Variants in RBPMS observed in about 807,000 individuals in gnomAD.
The protein encoded by RBPMS is RNA-binding protein with multiple splicing.
In RBPMS, 7 loss-of-function variants were observed where a neutral mutation model predicts 26.8. That is an observed-to-expected ratio of 0.26 (90% confidence interval 0.15 to 0.49). The LOEUF (loss-of-function observed/expected upper bound fraction) is 0.49. Among genes scored for constraint, RBPMS ranks in the 20% least tolerant of loss-of-function variants. The pLI is 0.98. For missense variants in RBPMS, 186 were observed against 250.0 expected (o/e 0.74, Z 1.73); for synonymous variants, 96 against 93.3 (o/e 1.03, Z -0.17).
At chr8:30,435,775 C>G (rs1347931810) in intron 1 of RBPMS, among the ~76,000 whole-genome samples, 2 of 152,122 alleles carry the variant, frequency 1.3e-5, no homozygotes, top group East Asian at 3.9e-4. Context: ...AAATCAGTGA[C>G]TGGAAGGAAA....
chr8:30,544,867 C>A, intron 6 of RBPMS: 1 of 1,509,306 alleles, frequency 6.6e-7, no homozygotes, highest in Non-Finnish European at 8.8e-7. Context: ...CCTTAATGAT[C>A]TCACCTCATA....
Position 30,384,738 on chromosome 8 carries a change from AT to A in RBPMS, c.-354del, listed in dbSNP as rs1563271615. ...CTCCTGGGACGCGCGTCCTCGCCCC[AT>A]CCTTTGCTTCCTTCCTTCCTTCCTT... On this transcript the variant is annotated 5_prime_UTR_variant, in exon 1 of 9. Coordinates refer to ENST00000397323, the MANE Select transcript of RBPMS (RefSeq NM_001008710.3). The surrounding 1 kb of genome is among the most constrained non-coding windows in gnomAD (Gnocchi z 5.6). 5.7e-6 allele frequency: 1 copy of A among 175,186 alleles called. No homozygotes were observed. Among genetic ancestry groups the A allele is most frequent in the East Asian group, 1.4e-4 (1 of 7,076 alleles). 10.9% of individuals were successfully genotyped at this position (175,186 alleles called of 1,614,324 possible). A position where few individuals can be genotyped will look rare whatever the true frequency, so the allele number is the denominator to read the frequency against.
chr8:30,428,256 C>CGT (rs1383998840), intron 1 of RBPMS, among the ~76,000 whole-genome samples: 1 of 151,786 alleles, frequency 6.6e-6, no homozygotes, highest in Non-Finnish European at 1.5e-5. Context: ...CTCTTGACCT[C>CGT]GTAATCCGCC....
intron 5 of RBPMS, among the ~76,000 whole-genome samples, chr8:30,540,621 G>T (rs759629624): frequency 6.6e-6 from 1 of 152,030 alleles, no homozygotes; most frequent in Non-Finnish European, 1.5e-5. Flanking sequence ...ACGGGGTCTC[G>T]CTATGTTGCC....
At chr8:30,545,378 G>A in intron 6 of RBPMS, 6 of 1,145,890 alleles carry the variant, frequency 5.2e-6, no homozygotes, top group Non-Finnish European at 6.5e-6. Flanking sequence ...TTTAGTGCAA[G>A]TGGTAGTAAT....
chr8:30,527,347 C>T (rs1165937080), intron 5 of RBPMS, among the ~76,000 whole-genome samples: 1 of 152,166 alleles, frequency 6.6e-6, no homozygotes, highest in Non-Finnish European at 1.5e-5. Context: ...GAAACCTTTT[C>T]TGGGGTCTCC....
intron 5 of RBPMS, among the ~76,000 whole-genome samples, chr8:30,529,516 GACAAA>G (rs1226131395): frequency 6.7e-6 from 1 of 149,112 alleles, no homozygotes; most frequent in South Asian, 2.3e-4. Flanking sequence ...AAAAAGAAAA[GACAAA>G]ACAAAACAAA....
intron 1 of RBPMS, among the ~76,000 whole-genome samples, chr8:30,433,714 G>T (rs990049997): frequency 2.0e-5 from 3 of 152,080 alleles, no homozygotes; most frequent in Admixed American, 2.0e-4. Context: ...TACCTACCTG[G>T]CAGGATCATT....
rs1379586658 is a variant in RBPMS at position 30,540,214 on chromosome 8, T to C, written c.398-4280T>C. Among the ~76,000 whole-genome samples the C allele has an allele frequency of 2.6e-5, 4 of 152,124 alleles. No homozygotes were observed. In the East Asian group the frequency reaches 7.7e-4, roughly 29 times the overall value. On this transcript the variant is annotated intron_variant, in intron 5 of 8. Transcript: ENST00000397323. ...GCAAGAGGAGGGGGAGAAGGGTGCC[T>C]CTGGCAGAGGGAGCAGTGTGTGGGC...
intron 6 of RBPMS, chr8:30,547,465 T>A: frequency 1.3e-6 from 2 of 1,575,068 alleles, no homozygotes; most frequent in Non-Finnish European, 1.7e-6. Flanking sequence ...CAAAAACTAT[T>A]TCTTGACGAC....
intron 1 of RBPMS, among the ~76,000 whole-genome samples, chr8:30,450,810 A>AAAAAAAT (rs59040656): frequency 6.5e-5 from 9 of 137,772 alleles, no homozygotes; most frequent in African/African-American, 1.8e-4. Flanking sequence ...AAAAAAAAAA[A>AAAAAAAT]GTGTGTTTTT....
At chr8:30,542,878 A>G (rs1223936169) in intron 5 of RBPMS, among the ~76,000 whole-genome samples, 2 of 152,238 alleles carry the variant, frequency 1.3e-5, no homozygotes, top group Non-Finnish European at 2.9e-5. Flanking sequence ...CTTGGGCTAC[A>G]GGCACCTACA....
chr8:30,519,454 CTCTCTTTTTTTTT>C (rs1822771695), intron 5 of RBPMS, among the ~76,000 whole-genome samples: 2 of 123,480 alleles, frequency 1.6e-5, no homozygotes, highest in African/African-American at 6.7e-5. Context: ...GGGAGGATCT[CTCTCTTTTTTTTT>C]TTTTTTTTTT....
At chr8:30,530,342 G>C (rs80174170) in intron 5 of RBPMS, among the ~76,000 whole-genome samples, 134 of 152,344 alleles carry the variant, frequency 8.8e-4, no homozygotes, top group Non-Finnish European at 1.7e-3. Context: ...TATCACATTA[G>C]TTGTGGGACG....
intron 1 of RBPMS, among the ~76,000 whole-genome samples, chr8:30,415,192 C>T (rs1466592236): frequency 6.6e-6 from 1 of 152,168 alleles, no homozygotes; most frequent in Non-Finnish European, 1.5e-5. Context: ...AGCCCTTCCC[C>T]TCCCCTCCCT....
At chr8:30,438,229 A>T (rs963463409) in intron 1 of RBPMS, among the ~76,000 whole-genome samples, 7 of 152,162 alleles carry the variant, frequency 4.6e-5, no homozygotes, top group African/African-American at 1.7e-4. Context: ...GACCAGCCCG[A>T]GCAACAGAGT....
chr8:30,508,646 T>C (rs1005933011), intron 5 of RBPMS, among the ~76,000 whole-genome samples: 1 of 152,038 alleles, frequency 6.6e-6, no homozygotes, highest in Non-Finnish European at 1.5e-5. Context: ...TAACATACCA[T>C]AGTTTTATTT....
At chr8:30,412,610 T>TA (rs1265538783) in intron 1 of RBPMS, among the ~76,000 whole-genome samples, 1 of 152,234 alleles carries the variant, frequency 6.6e-6, no homozygotes, top group African/African-American at 2.4e-5. Context: ...GTTAAGTTCT[T>TA]ACATTTTCTT....
intron 1 of RBPMS, among the ~76,000 whole-genome samples, chr8:30,386,573 T>C (rs1807118996): frequency 6.6e-6 from 1 of 152,234 alleles, no homozygotes. Context: ...CTACTGGCAT[T>C]TCTTTTTTCA....
Sources: allele counts gnomAD v4.1 joint callset (sites outside exome capture counted in the v4.1 genomes callset), GRCh38; gene constraint gnomAD v4.1.1; non-coding constraint Gnocchi (gnomAD v3.1); transcripts MANE v1.5; gene names NCBI Gene and HGNC (gene_info 2026-07-23, HGNC 2026-07-21).